Variants in PTPN14 observed in about 807,000 individuals in gnomAD.
The protein encoded by PTPN14 is tyrosine-protein phosphatase non-receptor type 14.
PTPN14 carries 53 observed loss-of-function variants against 126.8 expected under a neutral mutation model. The ratio of observed to expected loss-of-function variants is 0.42; its 90% CI spans 0.34 to 0.53. The LOEUF (loss-of-function observed/expected upper bound fraction) is 0.53. Ranked by LOEUF, PTPN14 falls within the 20% of genes least tolerant of loss-of-function variation. PTPN14 has a pLI of 0.08. For synonymous variants in PTPN14, 630 were observed against 599.3 expected, an observed-to-expected ratio of 1.05 and a Z score of -0.75; for missense variants, 1,257 against 1,552.9, an observed-to-expected ratio of 0.81 and a Z score of 3.20.
At chr1:214,424,157 G>A (rs1424265539) in intron 3 of PTPN14, among the ~76,000 whole-genome samples, 1 of 151,732 alleles carries the variant, frequency 6.6e-6, no homozygotes, top group Non-Finnish European at 1.5e-5. Flanking sequence ...GTAGCTGGGT[G>A]TGGTGGCGGG....
intron 1 of PTPN14, among the ~76,000 whole-genome samples, chr1:214,476,150 T>C (rs1361983794): frequency 6.6e-6 from 1 of 152,140 alleles, no homozygotes; most frequent in Non-Finnish European, 1.5e-5. Context: ...ATCCCAGCCA[T>C]AGCACCCTGC....
intron 1 of PTPN14, among the ~76,000 whole-genome samples, chr1:214,500,029 A>C (rs1479066865): frequency 6.6e-6 from 1 of 151,540 alleles, no homozygotes; most frequent in African/African-American, 2.4e-5. Flanking sequence ...AGAAAATGTC[A>C]CACATTGTCC....
chr1:214,392,734 T>C (rs1260250212), intron 10 of PTPN14, among the ~76,000 whole-genome samples: 3 of 152,206 alleles, frequency 2.0e-5, no homozygotes, highest in African/African-American at 7.2e-5. Flanking sequence ...GGCCTAATAC[T>C]GTCAGACATA....
intron 13 of PTPN14, among the ~76,000 whole-genome samples, chr1:214,378,969 T>C (rs529532522): frequency 5.9e-5 from 9 of 152,300 alleles, no homozygotes; most frequent in African/African-American, 2.2e-4. Context: ...CACCTCTAAA[T>C]TGAAATTGGA....
chr1:214,534,295 CAAGTAAAATAAATGT>C (rs1655639929), intron 1 of PTPN14, among the ~76,000 whole-genome samples: 2 of 152,108 alleles, frequency 1.3e-5, no homozygotes, highest in Admixed American at 6.5e-5. Flanking sequence ...AAGAACTCTC[CAAGTAAAATAAATGT>C]AATTTGTTCA....
At chr1:214,381,089 T>C (rs778041698) in intron 13 of PTPN14, among the ~76,000 whole-genome samples, 3 of 152,194 alleles carry the variant, frequency 2.0e-5, no homozygotes, top group Non-Finnish European at 4.4e-5. Flanking sequence ...GAAAAGCATC[T>C]GGAGAAAAAA....
At position 214,355,959 on chromosome 1, in the gene PTPN14, C is replaced by CTTTT. The variant is rs58372033; in HGVS notation, c.*1959_*1962dup. On this transcript the variant is annotated 3_prime_UTR_variant, in exon 19 of 19. Coordinates refer to ENST00000366956, the MANE Select transcript of PTPN14 (RefSeq NM_005401.5). ...TAGTTTTTCTTGACAACCTTTTTTCCTTTTTTTTTTTTTTTTTTGGAGGCA... is the reference window on the plus strand; with the variant it reads ...TAGTTTTTCTTGACAACCTTTTTTCCTTTTTTTTTTTTTTTTTTTTTTGGAGGCA... The CTTTT allele has an allele frequency of 1.9e-4, 19 of 101,652 alleles. No homozygotes were observed. The South Asian group carries it at 3.6e-3, about 19-fold the overall frequency. The allele number at this position is 101,652 out of a possible 1,614,324, so 6.3% of individuals were successfully genotyped here.
rs1165595746 is a variant in PTPN14, at chr1:214,402,437, C to CAAAAAAAAAAAAAAAAAA, written c.581+428_581+445dup. On this transcript the variant is annotated intron_variant, in intron 6 of 18. Coordinates refer to ENST00000366956, the MANE Select transcript of PTPN14 (RefSeq NM_005401.5). Reference sequence around the variant, plus strand: ...CCTGGGTGACAGAGCGAGACTCTGTCAAAAAAAAAAAAAAAAAAAAAAGCC... The same window carrying CAAAAAAAAAAAAAAAAAA: ...CCTGGGTGACAGAGCGAGACTCTGTCAAAAAAAAAAAAAAAAAAAAAAAAAAAAAAAAAAAAAAAAGCC... Among the ~76,000 whole-genome samples, 198 of 48,130 alleles carry CAAAAAAAAAAAAAAAAAA rather than the reference C, an allele frequency of 4.1e-3. 10 individuals carry two copies. The highest frequency in any genetic ancestry group is 5.2e-3 in the African/African-American group (54 of 10,390). 31.6% of individuals were successfully genotyped at this position (48,130 alleles called of 152,430 possible).
intron 1 of PTPN14, among the ~76,000 whole-genome samples, chr1:214,505,444 G>T (rs2102436598): frequency 6.6e-6 from 1 of 152,298 alleles, no homozygotes; most frequent in South Asian, 2.1e-4. Context: ...GAGATGGCTG[G>T]TCCCTTCGGG....
rs746488009 is a variant in PTPN14 at position 214,393,711 on chromosome 1, T to C, written c.913A>G (p.Asn305Asp). Residue 305 changes from asparagine (N) to aspartate (D), a missense_variant, in exon 10 of 19, where the codon AAC becomes GAC. Physicochemically the swap from Asn to Asp is conservative, Grantham distance 23 (BLOSUM62 1). Transcript: ENST00000366956. ...TTTACTTACTCAGTGCAGATTTTGTTTTGTTTGTAAAACTTGTGTCGTGTG... is the reference window on the plus strand; with the variant it reads ...TTTACTTACTCAGTGCAGATTTTGTCTTGTTTGTAAAACTTGTGTCGTGTG... The part of the protein sequence containing the change: ...FATRHKFYKQ[N>D]KICTEQSNSP... 1.8e-5 allele frequency: 28 copies of C among 1,591,966 alleles called. No individual in the cohort carries two copies. The highest frequency in any genetic ancestry group is 2.3e-5 in the Non-Finnish European group (27 of 1,159,858).
intron 1 of PTPN14, among the ~76,000 whole-genome samples, chr1:214,480,081 T>C (rs758262384): frequency 2.0e-5 from 3 of 152,236 alleles, no homozygotes; most frequent in East Asian, 1.9e-4. Context: ...TTTGCTATTG[T>C]TGACAACTTA....
Position 214,364,587 on chromosome 1 carries a change from G to A in PTPN14, c.3360C>T (p.His1120=). ...TKNRHPPIVV[H]CSAGVGRTGV... ...CGGTCCTTCCCACCCCAGCACTACA[G>A]TGGACCACGATGGGCGGGTGCCGGT... Residue 1120 remains histidine (H), a synonymous_variant, in exon 18 of 19, where the codon CAC becomes CAT. Coordinates refer to ENST00000366956, the MANE Select transcript of PTPN14 (RefSeq NM_005401.5). The surrounding 1 kb of genome is among the most constrained non-coding windows in gnomAD (Gnocchi z 4.1). The A allele has an allele frequency of 6.2e-7, 1 of 1,614,110 alleles. No homozygotes were observed. Among genetic ancestry groups the A allele is most frequent in the Non-Finnish European group, 8.5e-7 (1 of 1,180,044 alleles).
intron 3 of PTPN14, among the ~76,000 whole-genome samples, chr1:214,436,004 C>T (rs754879805): frequency 6.6e-6 from 1 of 152,244 alleles, no homozygotes. Flanking sequence ...AAATATCCAT[C>T]GGTGGTAGAC....
chr1:214,372,690 G>A, intron 16 of PTPN14, 21 bp downstream of exon 16: 4 of 1,613,768 alleles, frequency 2.5e-6, no homozygotes, highest in Non-Finnish European at 3.4e-6. Flanking sequence ...AAAAGGATGT[G>A]GAGTAGGCCA....
intron 2 of PTPN14, among the ~76,000 whole-genome samples, chr1:214,460,408 AAC>A (rs150101393): frequency 2.1e-4 from 32 of 149,320 alleles, no homozygotes; most frequent in East Asian, 9.9e-4. Context: ...ACACATACAC[AAC>A]ACACACACAC....
intron 1 of PTPN14, among the ~76,000 whole-genome samples, chr1:214,488,467 A>G (rs1364756938): frequency 2.6e-5 from 4 of 152,214 alleles, no homozygotes; most frequent in Admixed American, 2.6e-4. Context: ...TCACTAAAGC[A>G]TCTAAGCAGG....
rs114345572 is a variant in PTPN14, at chr1:214,362,183, A to G, written c.3435+2329T>C. On this transcript the variant is annotated intron_variant, in intron 18 of 18. Transcript: ENST00000366956. ...AATAGGGGCTTGGATCTTACTAGCC[A>G]GGCCTGAACAGTACCAGAACAAAAG... 4.1e-3 allele frequency among the ~76,000 whole-genome samples: 622 copies of G among 152,344 alleles called. 9 individuals carry two copies. Among genetic ancestry groups the G allele is most frequent in the African/African-American group, 0.014 (595 of 41,566 alleles).
rs571622841 is a variant in PTPN14 at position 214,381,265 on chromosome 1, T to G, written c.2544+2046A>C. Among the ~76,000 whole-genome samples the G allele has an allele frequency of 4.6e-5, 7 of 152,338 alleles. No individual in the cohort carries two copies. In the East Asian group the frequency reaches 1.3e-3, roughly 29 times the overall value. On this transcript the variant is annotated intron_variant, in intron 13 of 18. Transcript: ENST00000366956. The stretch of plus-strand genomic sequence containing the variant: ...GGGACCATGTGGACATCATTAAGTA[T>G]CAAGTTGGCAGGGGAAATAGCTAAA...
chr1:214,521,999 C>T (rs1655273213), intron 1 of PTPN14, among the ~76,000 whole-genome samples: 1 of 143,564 alleles, frequency 7.0e-6, no homozygotes, highest in East Asian at 2.1e-4. Context: ...TGCAGTGGCA[C>T]GATCTCGGCT....
Sources: gnomAD v4.1 joint callset for allele counts (sites outside exome capture counted in the v4.1 genomes callset) on GRCh38, gnomAD v4.1.1 for gene constraint, Gnocchi (gnomAD v3.1) non-coding constraint, MANE v1.5 for transcripts, NCBI Gene and HGNC (gene_info 2026-07-23, HGNC 2026-07-21) for gene names.